Variants in NFIB observed in about 807,000 individuals in gnomAD.
The protein encoded by NFIB is nuclear factor 1 B-type.
NFIB carries 11 observed loss-of-function variants against 61.5 expected under a neutral mutation model. The ratio of observed to expected loss-of-function variants is 0.18; its 90% confidence interval spans 0.11 to 0.30. The LOEUF is 0.30. Among genes scored for constraint, NFIB ranks in the 10% least tolerant of loss-of-function variants. The pLI is 1.00. For synonymous variants in NFIB, 260 were observed against 216.5 expected, an observed-to-expected ratio of 1.20 and a Z score of -1.76; for missense variants, 471 against 608.9, an observed-to-expected ratio of 0.77 and a Z score of 2.38.
chr9:14,206,065 A>C (rs1406773997), intron 2 of NFIB, among the ~76,000 whole-genome samples: 1 of 152,196 alleles, frequency 6.6e-6, no homozygotes, highest in Non-Finnish European at 1.5e-5. Flanking sequence ...TTATCAAAAT[A>C]ATCAGTCACA....
chr9:14,235,289 T>C (rs2053630886), intron 2 of NFIB, among the ~76,000 whole-genome samples: 1 of 152,184 alleles, frequency 6.6e-6, no homozygotes, highest in Non-Finnish European at 1.5e-5. Flanking sequence ...GGCAAACTGA[T>C]AGAGGAGAAT....
At chr9:14,245,364 C>T (rs1489487260) in intron 2 of NFIB, among the ~76,000 whole-genome samples, 1 of 151,982 alleles carries the variant, frequency 6.6e-6, no homozygotes, top group Non-Finnish European at 1.5e-5. Flanking sequence ...CTGACTTTCA[C>T]AGAAGTCTTA....
chr9:14,180,469 G>A (rs548524786), intron 2 of NFIB, among the ~76,000 whole-genome samples: 75 of 152,270 alleles, frequency 4.9e-4, no homozygotes, highest in Admixed American at 4.2e-3. Context: ...GATCAATGTC[G>A]TATATCTGAA....
In NFIB at chr9:14,159,325, C is replaced by T. The variant is rs184126170; in HGVS notation, c.617-3432G>A. On this transcript the variant is annotated intron_variant, in intron 3 of 10. Transcript: ENST00000380953. Reference sequence around the variant, plus strand: ...ATGGAAAGAGGTAGTTTACCGAAACCATGAAAAGCATTGGAAATATATCAG... The same window carrying T: ...ATGGAAAGAGGTAGTTTACCGAAACTATGAAAAGCATTGGAAATATATCAG... Among the ~76,000 whole-genome samples the T allele has an allele frequency of 1.0e-3, 159 of 152,282 alleles. No homozygotes were observed. The Middle Eastern group carries it at 0.017, about 16-fold the overall frequency.
chr9:14,468,119 G>A, the NFIB span, among the ~76,000 whole-genome samples: 1 of 152,212 alleles, frequency 6.6e-6, no homozygotes, highest in Non-Finnish European at 1.5e-5. Flanking sequence ...AGTGCCAAAT[G>A]TAGAAAACCA....
the NFIB span, among the ~76,000 whole-genome samples, chr9:14,428,897 G>T: frequency 6.6e-6 from 1 of 151,950 alleles, no homozygotes; most frequent in African/African-American, 2.4e-5. Flanking sequence ...ATCCTTGGAA[G>T]AAAAAAACAG....
At chr9:14,260,148 T>C (rs555544157) in intron 2 of NFIB, among the ~76,000 whole-genome samples, 2 of 152,276 alleles carry the variant, frequency 1.3e-5, no homozygotes, top group South Asian at 2.1e-4. Context: ...AGAGTCCAAG[T>C]GCACTGAGAA....
At chr9:14,106,528 A>C (rs2036584125) in intron 10 of NFIB, among the ~76,000 whole-genome samples, 1 of 152,096 alleles carries the variant, frequency 6.6e-6, no homozygotes, top group Admixed American at 6.6e-5. Flanking sequence ...TGGTCTCTGG[A>C]AAGAGAACCT....
intron 1 of NFIB, among the ~76,000 whole-genome samples, chr9:14,346,204 T>C (rs2061017299): frequency 6.6e-6 from 1 of 150,900 alleles, no homozygotes; most frequent in Non-Finnish European, 1.5e-5. Context: ...TCAAGTCTCC[T>C]GATGTTCATG....
chr9:14,395,219 G>C (rs936669798), intron 1 of NFIB, among the ~76,000 whole-genome samples: 4 of 151,748 alleles, frequency 2.6e-5, no homozygotes, highest in African/African-American at 9.7e-5. Flanking sequence ...GCTCAGAACA[G>C]GAGGTCCAAA....
the NFIB span, among the ~76,000 whole-genome samples, chr9:14,457,643 G>A: frequency 6.6e-6 from 1 of 151,288 alleles, no homozygotes; most frequent in Non-Finnish European, 1.5e-5. Flanking sequence ...GAAGAAAAGA[G>A]AGAAGAATCA....
intron 2 of NFIB, among the ~76,000 whole-genome samples, chr9:14,293,385 A>G (rs1483414959): frequency 6.6e-6 from 1 of 152,162 alleles, no homozygotes; most frequent in African/African-American, 2.4e-5. Flanking sequence ...TTGAACCAAC[A>G]CTTCATCCTT....
chr9:14,144,618 T>C (rs962817373), intron 6 of NFIB, among the ~76,000 whole-genome samples: 3 of 152,152 alleles, frequency 2.0e-5, no homozygotes, highest in Admixed American at 1.3e-4. Context: ...ATAGTCAAAA[T>C]AGACAAGGTC....
At chr9:14,119,921 G>C (rs1035221876) in intron 8 of NFIB, among the ~76,000 whole-genome samples, 1 of 152,178 alleles carries the variant, frequency 6.6e-6, no homozygotes, top group African/African-American at 2.4e-5. Context: ...TTCTAGTAAT[G>C]TCACTCATTA....
At chr9:14,356,515 G>T (rs967951901) in intron 1 of NFIB, among the ~76,000 whole-genome samples, 1 of 152,132 alleles carries the variant, frequency 6.6e-6, no homozygotes, top group East Asian at 1.9e-4. Flanking sequence ...TGGTCAGCAA[G>T]GCCCTGAGGG....
the NFIB span, among the ~76,000 whole-genome samples, chr9:14,526,448 A>G: frequency 6.6e-6 from 1 of 152,172 alleles, no homozygotes; most frequent in East Asian, 1.9e-4. Context: ...AGAATTCTTA[A>G]AAGTTAATAA....
the NFIB span, among the ~76,000 whole-genome samples, chr9:14,424,857 G>A: frequency 6.6e-6 from 1 of 152,128 alleles, no homozygotes; most frequent in Non-Finnish European, 1.5e-5. Flanking sequence ...TTACATGAGG[G>A]ACATCTAGGC....
chr9:14,352,362 C>T (rs527686046), intron 1 of NFIB, among the ~76,000 whole-genome samples: 1 of 151,886 alleles, frequency 6.6e-6, no homozygotes, highest in South Asian at 2.1e-4. Context: ...ACCATGGCTA[C>T]CTGTCTCCGG....
At chr9:14,444,358 G>C in the NFIB span, among the ~76,000 whole-genome samples, 1 of 152,148 alleles carries the variant, frequency 6.6e-6, no homozygotes, top group Admixed American at 6.5e-5. Context: ...TAGAGTTTTA[G>C]GTAACGGTAA....
Sources: allele counts gnomAD v4.1 joint callset (sites outside exome capture counted in the v4.1 genomes callset), GRCh38; gene constraint gnomAD v4.1.1; transcripts MANE v1.5; gene names NCBI Gene and HGNC (gene_info 2026-07-23, HGNC 2026-07-21).